URB1: variants seen among roughly 807,000 people sequenced by gnomAD.
The protein encoded by URB1 is nucleolar pre-ribosomal-associated protein 1.
A neutral mutation model predicts 242.3 loss-of-function variants in URB1; 197 were observed. That is an observed-to-expected ratio of 0.81 (90% CI 0.72 to 0.91). URB1 has a LOEUF of 0.91. Among genes scored for constraint, URB1 ranks in the 40% least tolerant of loss-of-function variants. The probability of loss-of-function intolerance (pLI) is 0.00; values close to 1 mark genes in which losing one functional copy is unlikely to be tolerated. For missense variants in URB1, 2,721 were observed against 2,860.5 expected, an observed-to-expected ratio of 0.95 and a Z score of 1.11; for synonymous variants, 1,153 against 1,201.8, an observed-to-expected ratio of 0.96 and a Z score of 0.84.
intron 20 of URB1, among the ~76,000 whole-genome samples, chr21:32,349,857 G>A (rs1196899937): frequency 6.6e-6 from 1 of 151,952 alleles, no homozygotes; most frequent in Non-Finnish European, 1.5e-5. Context: ...CACTTCGGGA[G>A]GCTGTGGCGG....
At position 32,355,512 on chromosome 21, in the gene URB1, C is replaced by A. The variant is rs1305678901; in HGVS notation, c.2043G>T (p.Trp681Cys). The A allele has an allele frequency of 1.3e-6, 2 of 1,551,796 alleles. No individual in the cohort carries two copies. Among genetic ancestry groups the A allele is most frequent in the Non-Finnish European group, 8.7e-7 (1 of 1,147,012 alleles). The change falls in exon 16 of 39, where the codon TGG becomes TGT. Residue 681 changes from tryptophan (W) to cysteine (C), a missense_variant. Physicochemically the swap from Trp to Cys is radical, Grantham distance 215 (BLOSUM62 -2). Transcript: ENST00000382751. ...CCATGGTGTTCTCTAAATGCTCCAG[C>A]CAGAGCTCCAGCTCCTTCCAGGTGT... ...FEHTWKELEL[W>C]LEHLENTMEE...
At chr21:32,336,250 G>A (rs902425856) in intron 28 of URB1, among the ~76,000 whole-genome samples, 2 of 152,112 alleles carry the variant, frequency 1.3e-5, no homozygotes, top group African/African-American at 2.4e-5. Context: ...AGGGTTGGGA[G>A]ATAGCTTCTG....
chr21:32,325,350 G>A lies in URB1; in HGVS notation c.5000C>T (p.Ala1667Val), dbSNP rs1366754509. Residue 1667 changes from alanine to valine, a missense_variant, in exon 31 of 39, where the codon GCT (alanine) becomes GTT (valine). By Grantham distance (64) the Ala-to-Val change is moderately conservative. Coordinates refer to ENST00000382751, the MANE Select transcript of URB1 (RefSeq NM_014825.3). ...VDCRKFLDSN[A>V]LGLTVTALSS... ...GAGGGCTGTGACAGTTAGGCCCAGA[G>A]CATTTGAATCCAAAAATTTTCGACA... 3.9e-6 allele frequency: 6 copies of A among 1,551,244 alleles called. No individual in the cohort carries two copies. The highest frequency in any genetic ancestry group is 1.4e-5 in the African/African-American group (1 of 73,052).
intron 26 of URB1, among the ~76,000 whole-genome samples, chr21:32,338,184 C>T (rs1383512409): frequency 2.0e-5 from 3 of 152,296 alleles, no homozygotes; most frequent in Admixed American, 1.3e-4. Context: ...CAGGAACCCT[C>T]GGATTATCTT....
chr21:32,334,730 T>A (rs1431239020), intron 28 of URB1, among the ~76,000 whole-genome samples: 1 of 152,180 alleles, frequency 6.6e-6, no homozygotes, highest in African/African-American at 2.4e-5. Flanking sequence ...TCAGATGGTA[T>A]GTTGCAGGGC....
chr21:32,386,674 T>C (rs2033586862), intron 1 of URB1, among the ~76,000 whole-genome samples: 1 of 152,070 alleles, frequency 6.6e-6, no homozygotes, highest in Admixed American at 6.5e-5. Flanking sequence ...GTAGAATGGG[T>C]ATAACAAGAA....
At chr21:32,322,374 G>T in intron 33 of URB1, 104 bp downstream of exon 33, 2 of 1,055,544 alleles carry the variant, frequency 1.9e-6, no homozygotes, top group Non-Finnish European at 2.8e-6. Flanking sequence ...AATCGTGTTG[G>T]CCGTGCAGCA....
At position 32,315,030 on chromosome 21, in the gene URB1, A is replaced by AGGGTGTCCGGCCGCTGAGCCCCCAGCC. The variant is rs1601115197; in HGVS notation, c.6677_6703dup (p.Thr2234_Leu2235insArgLeuGlyAlaGlnArgProAspThr). ...ACACACCATCCGGACGTGGGTTAAGAGGGTGTCCGGCCGCTGAGCCCCCAG... is the reference window on the plus strand; with the variant it reads ...ACACACCATCCGGACGTGGGTTAAGAGGGTGTCCGGCCGCTGAGCCCCCAGCCGGGTGTCCGGCCGCTGAGCCCCCAG... On this transcript the variant is annotated inframe_insertion, in exon 39 of 39. Transcript: ENST00000382751. 1 of 1,551,378 alleles carries AGGGTGTCCGGCCGCTGAGCCCCCAGCC rather than the reference A, an allele frequency of 6.4e-7. No individual in the cohort carries two copies. Among genetic ancestry groups the AGGGTGTCCGGCCGCTGAGCCCCCAGCC allele is most frequent in the Admixed American group, 2.0e-5 (1 of 50,990 alleles).
chr21:32,378,111 A>C (rs112969107), intron 5 of URB1, among the ~76,000 whole-genome samples: 3 of 152,218 alleles, frequency 2.0e-5, no homozygotes, highest in Non-Finnish European at 2.9e-5. Flanking sequence ...CAGGTAGCCA[A>C]GGCTATGAGT....
rs189924380 is a variant in URB1 at position 32,324,664 on chromosome 21, T to C, written c.5122-62A>G. On this transcript the variant is annotated intron_variant, in intron 31 of 38. Coordinates refer to ENST00000382751, the MANE Select transcript of URB1 (RefSeq NM_014825.3). The stretch of plus-strand genomic sequence containing the variant: ...GCGTGTTCAGAGCTATGGTCAGTCC[T>C]CTCTGGTGCAGCCGAACCAGGGCTC... 265 of 1,311,866 alleles carry C rather than the reference T, an allele frequency of 2.0e-4. 3 individuals carry two copies. The East Asian group carries it at 6.6e-3, about 32-fold the overall frequency. 81.3% of individuals were successfully genotyped at this position (1,311,866 alleles called of 1,614,324 possible).
At chr21:32,391,505 T>A (rs972517976) in intron 1 of URB1, among the ~76,000 whole-genome samples, 1 of 152,156 alleles carries the variant, frequency 6.6e-6, no homozygotes, top group Non-Finnish European at 1.5e-5. Flanking sequence ...ACTGTATGTA[T>A]GTGATTTTAC....
In URB1 at chr21:32,316,748, C is replaced by T; in HGVS notation, c.6352G>A (p.Ala2118Thr). The T allele has an allele frequency of 6.4e-7, 1 of 1,551,278 alleles. No individual in the cohort carries two copies. Among genetic ancestry groups the T allele is most frequent in the South Asian group, 1.2e-5 (1 of 84,052 alleles). The change falls in exon 38 of 39, where the codon GCT becomes ACT. Residue 2118 changes from alanine (A) to threonine (T), a missense_variant. Coordinates refer to ENST00000382751, the MANE Select transcript of URB1 (RefSeq NM_014825.3). The part of the protein sequence containing the change: ...VAEHPLSRAE[A>T]AGLIGWLKSH... ...TTAAGCCAGCCAATGAGTCCTGCAG[C>T]CTCTGCCCTGCTGAGCGGGTGCTCG... is the stretch of plus-strand genomic sequence containing the variant.
At chr21:32,366,909 C>CAAATCTACTTGTCA (rs1208081912) in intron 9 of URB1, among the ~76,000 whole-genome samples, 154 bp from the exon 10 acceptor site, 1 of 152,176 alleles carries the variant, frequency 6.6e-6, no homozygotes, top group Non-Finnish European at 1.5e-5. Flanking sequence ...GATTAACCCT[C>CAAATCTACTTGTCA]AAATCTACTT....
At chr21:32,323,719 T>C (rs1168865642) in intron 32 of URB1, among the ~76,000 whole-genome samples, 2 of 152,138 alleles carry the variant, frequency 1.3e-5, no homozygotes, top group Non-Finnish European at 2.9e-5. Flanking sequence ...ACACCTGTAA[T>C]CCCAGCACTT....
intron 30 of URB1, among the ~76,000 whole-genome samples, chr21:32,329,968 G>A (rs1348423122): frequency 3.3e-5 from 5 of 152,170 alleles, no homozygotes; most frequent in Non-Finnish European, 7.3e-5. Flanking sequence ...AGGGGCTTGA[G>A]GAGCTGCTTA....
intron 30 of URB1, among the ~76,000 whole-genome samples, chr21:32,330,161 C>T (rs1287541374): frequency 6.7e-6 from 1 of 148,498 alleles, no homozygotes; most frequent in Non-Finnish European, 1.5e-5. Flanking sequence ...ACAAGATGCT[C>T]AGAGCAACAT....
chr21:32,346,872 A>C, intron 22 of URB1, 84 bp downstream of exon 22: 1 of 1,433,352 alleles, frequency 7.0e-7, no homozygotes, highest in Non-Finnish European at 9.2e-7. Context: ...CTGAATTTCT[A>C]GGGTTTAAAA....
In URB1 at chr21:32,322,494, TAGA is replaced by T; in HGVS notation, c.5321_5323del (p.Phe1774del). 2 of 1,552,370 alleles carry T rather than the reference TAGA, an allele frequency of 1.3e-6. No individual in the cohort carries two copies. Among genetic ancestry groups the T allele is most frequent in the African/African-American group, 1.4e-5 (1 of 73,186 alleles). On this transcript the variant is annotated inframe_deletion, in exon 33 of 39. Coordinates refer to ENST00000382751, the MANE Select transcript of URB1 (RefSeq NM_014825.3). ...GAAGCATACCTCAAAGTCGGAGCTG[TAGA>T]AGAACTGGTAGAAGCCTGGCACTTT...
rs557418787 is a variant in URB1, at chr21:32,380,238, A to C, written c.568-1697T>G. Among the ~76,000 whole-genome samples, 9 of 152,294 alleles carry C rather than the reference A, an allele frequency of 5.9e-5. No homozygotes were observed. The South Asian group carries it at 1.9e-3, about 32-fold the overall frequency. On this transcript the variant is annotated intron_variant, in intron 4 of 38. Coordinates refer to ENST00000382751, the MANE Select transcript of URB1 (RefSeq NM_014825.3). ...TGGGTCTATGTTTCTTCTGGAGAAAAGGAAGGCTATCCAACCCATGCTCCC... is the reference window on the plus strand; with the variant it reads ...TGGGTCTATGTTTCTTCTGGAGAAACGGAAGGCTATCCAACCCATGCTCCC...
Sources: gnomAD v4.1 joint callset for allele counts (sites outside exome capture counted in the v4.1 genomes callset) on GRCh38, gnomAD v4.1.1 for gene constraint, MANE v1.5 for transcripts, NCBI Gene and HGNC (gene_info 2026-07-23, HGNC 2026-07-21) for gene names.